The following USP48 variants were observed in gnomAD, a reference collection of about 807,000 sequenced individuals.
The protein encoded by USP48 is ubiquitin carboxyl-terminal hydrolase 48.
USP48 carries 43 observed loss-of-function variants against 150.7 expected under a neutral mutation model. That is an observed-to-expected ratio of 0.29 (90% confidence interval 0.22 to 0.37). The LOEUF is 0.37. Ranked by LOEUF, USP48 falls within the 10% of genes least tolerant of loss-of-function variation. The pLI is 1.00. For missense variants in USP48, 813 were observed against 1,249.6 expected (o/e 0.65, Z 5.27); for synonymous variants, 396 against 425.9 (o/e 0.93, Z 0.86).
intron 11 of USP48, chr1:21,724,712 ATTAT>A (rs2097731643): frequency 6.6e-6 from 1 of 152,498 alleles, no homozygotes; most frequent in Admixed American, 6.5e-5. Context: ...TCATTATATT[ATTAT>A]TTATTTCAAG....
intron 8 of USP48, among the ~76,000 whole-genome samples, chr1:21,742,365 G>C: frequency 6.6e-6 from 1 of 152,020 alleles, no homozygotes; most frequent in East Asian, 1.9e-4. Flanking sequence ...CCAACATGGT[G>C]AAACCTTGTC....
At chr1:21,760,474 G>C (rs2097847215) in intron 1 of USP48, among the ~76,000 whole-genome samples, 1 of 152,070 alleles carries the variant, frequency 6.6e-6, no homozygotes, top group African/African-American at 2.4e-5. Flanking sequence ...CCAGCATTTT[G>C]GGAGGCCCAG....
At chr1:21,752,327 G>A (rs1021019763) in intron 5 of USP48, among the ~76,000 whole-genome samples, 200 bp downstream of exon 5, 7 of 152,104 alleles carry the variant, frequency 4.6e-5, no homozygotes, top group African/African-American at 1.2e-4. Context: ...CCCAGACACC[G>A]TTCCTAACAC....
In USP48 at chr1:21,689,989, A is replaced by G. The variant is rs754350312; in HGVS notation, c.2994T>C (p.Ser998=). The G allele has an allele frequency of 1.2e-6, 2 of 1,613,788 alleles. No individual in the cohort carries two copies. The highest frequency in any genetic ancestry group is 1.1e-5 in the South Asian group (1 of 91,060). ...TLGTLGVIPE[S]VILLKADEPI... is the part of the protein sequence containing the mutation. ...GTTTACTTACCTTCAATAAAATGAC[A>G]GATTCAGGAATGACGCCAAGGGTGC... The change falls in exon 24 of 27, where the codon TCT becomes TCC. Residue 998 remains serine, a synonymous_variant. Transcript: ENST00000308271.
At chr1:21,685,354 C>T (rs2097577811) in intron 25 of USP48, among the ~76,000 whole-genome samples, 1 of 141,750 alleles carries the variant, frequency 7.1e-6, no homozygotes, top group African/African-American at 2.6e-5. Context: ...GAGATGGAGT[C>T]TGTCATCCAG....
chr1:21,773,254 CAAAAA>C (rs60704662), intron 1 of USP48, among the ~76,000 whole-genome samples: 1 of 66,170 alleles, frequency 1.5e-5, no homozygotes. Flanking sequence ...GACTCGGTCT[CAAAAA>C]AAAAAAAAAA....
chr1:21,773,254 C>CA (rs60704662), intron 1 of USP48, among the ~76,000 whole-genome samples: 14,410 of 65,410 alleles, frequency 0.22, 1,397 homozygotes, highest in African/African-American at 0.35. Context: ...GACTCGGTCT[C>CA]AAAAAAAAAA....
chr1:21,706,291 A>C (rs2097672354), intron 17 of USP48, 104 bp from the exon 18 acceptor site: 1 of 1,505,700 alleles, frequency 6.6e-7, no homozygotes, highest in Non-Finnish European at 9.0e-7. Flanking sequence ...TTTATAAATA[A>C]AATGAAAACA....
At chr1:21,740,997 T>A (rs138458323) in intron 8 of USP48, among the ~76,000 whole-genome samples, 10 of 152,252 alleles carry the variant, frequency 6.6e-5, no homozygotes, top group Non-Finnish European at 1.0e-4. Flanking sequence ...TTGGGCGACA[T>A]GCAACATAGA....
intron 9 of USP48, among the ~76,000 whole-genome samples, chr1:21,734,852 A>T (rs2097765233): frequency 1.3e-5 from 2 of 152,244 alleles, no homozygotes; most frequent in Non-Finnish European, 2.9e-5. Context: ...AGATGGCTCC[A>T]ACTAGAAAAA....
chr1:21,758,366 A>C (rs1185613853), intron 1 of USP48, among the ~76,000 whole-genome samples: 1 of 152,320 alleles, frequency 6.6e-6, no homozygotes, highest in South Asian at 2.1e-4. Flanking sequence ...ATACATGTAC[A>C]TATTTCTGCT....
intron 6 of USP48, among the ~76,000 whole-genome samples, chr1:21,751,000 AGAT>A (rs2152576491): frequency 6.6e-6 from 1 of 152,322 alleles, no homozygotes; most frequent in Non-Finnish European, 1.5e-5. Flanking sequence ...CTAGCTAGCT[AGAT>A]AATAAGCTTG....
intron 14 of USP48, among the ~76,000 whole-genome samples, chr1:21,720,418 C>T (rs1194423750): frequency 6.6e-6 from 1 of 152,090 alleles, no homozygotes; most frequent in Admixed American, 6.5e-5. Flanking sequence ...GCTTAAAAAT[C>T]TTTTATTTGC....
intron 1 of USP48, among the ~76,000 whole-genome samples, chr1:21,776,624 A>C (rs550343254): frequency 3.9e-4 from 58 of 147,884 alleles, no homozygotes; most frequent in Non-Finnish European, 8.0e-4. Context: ...AAAAAGAAGA[A>C]AGTGAGTAGA....
intron 22 of USP48, among the ~76,000 whole-genome samples, chr1:21,699,865 G>A (rs941833211): frequency 3.0e-4 from 46 of 151,372 alleles, no homozygotes; most frequent in Non-Finnish European, 4.6e-4. Flanking sequence ...GCACACAATC[G>A]AGTTTGCACA....
chr1:21,735,460 TG>T (rs1435100752), intron 9 of USP48, among the ~76,000 whole-genome samples: 1 of 152,150 alleles, frequency 6.6e-6, no homozygotes, highest in Non-Finnish European at 1.5e-5. Flanking sequence ...TAAACATTTT[TG>T]CCAGGTTGGC....
chr1:21,733,463 T>TA (rs2097761865), intron 9 of USP48, among the ~76,000 whole-genome samples: 1 of 152,176 alleles, frequency 6.6e-6, no homozygotes, highest in Non-Finnish European at 1.5e-5. Context: ...AATGATTTTG[T>TA]ATAAGATGGA....
intron 18 of USP48, 115 bp from the exon 19 acceptor site, chr1:21,705,952 A>T (rs2097671071): frequency 9.4e-7 from 1 of 1,060,542 alleles, no homozygotes; most frequent in Non-Finnish European, 1.3e-6. Context: ...TTAGTAATTC[A>T]ATGTGTTTCT....
At chr1:21,730,197 C>G (rs934030931) in intron 9 of USP48, among the ~76,000 whole-genome samples, 1 of 152,094 alleles carries the variant, frequency 6.6e-6, no homozygotes, top group South Asian at 2.1e-4. Flanking sequence ...TCATAGCACT[C>G]TAGGAGGCCA....
Sources: allele counts gnomAD v4.1 joint callset (sites outside exome capture counted in the v4.1 genomes callset), GRCh38; gene constraint gnomAD v4.1.1; transcripts MANE v1.5; gene names NCBI Gene and HGNC (gene_info 2026-07-23, HGNC 2026-07-21).